The following NEK7 variants were observed in gnomAD, a reference collection of about 807,000 sequenced individuals.
The protein encoded by NEK7 is NIMA related kinase 7, also known as serine/threonine-protein kinase Nek7.
Under a neutral mutation model 44.6 loss-of-function variants are expected in NEK7, and 18 were observed. That is an observed-to-expected ratio of 0.40 (90% CI 0.28 to 0.60). The LOEUF (loss-of-function observed/expected upper bound fraction) is 0.60, where lower values mean the gene tolerates loss of function less well. NEK7 is among the 20% of genes least tolerant of loss of function. The pLI is 0.38. For synonymous variants in NEK7, 130 were observed against 121.1 expected (o/e 1.07, Z -0.48); for missense variants, 256 against 366.5 (o/e 0.70, Z 2.46).
At chr1:198,219,655 G>A (rs1410731521) in intron 1 of NEK7, among the ~76,000 whole-genome samples, 2 of 151,788 alleles carry the variant, frequency 1.3e-5, no homozygotes, top group Admixed American at 6.6e-5. Context: ...CTTCACCACT[G>A]TACACACATT....
intron 1 of NEK7, among the ~76,000 whole-genome samples, chr1:198,161,184 T>C (rs565739402): frequency 3.1e-4 from 47 of 152,224 alleles, no homozygotes; most frequent in Non-Finnish European, 5.6e-4. Context: ...TGTTTTCTGT[T>C]ACATAATGGA....
chr1:198,212,268 C>G (rs753799442), intron 1 of NEK7, among the ~76,000 whole-genome samples: 20 of 152,192 alleles, frequency 1.3e-4, no homozygotes, highest in Non-Finnish European at 2.5e-4. Flanking sequence ...CTGGATGCCC[C>G]TGTGTCACAG....
chr1:198,317,116 ATATAG>A lies in NEK7; in HGVS notation c.799-2293_799-2289del, dbSNP rs1416603786. 2.0e-5 allele frequency among the ~76,000 whole-genome samples: 3 copies of A among 152,260 alleles called. No individual in the cohort carries two copies. In the East Asian group the frequency reaches 5.8e-4, roughly 29 times the overall value. On this transcript the variant is annotated intron_variant, in intron 9 of 9. Coordinates refer to ENST00000367385, the MANE Select transcript of NEK7 (RefSeq NM_133494.3). ...AAGTTATCAACAGATTGATTCATAA[ATATAG>A]TAAAGTATGCATATTCTGTATTTCA... is the stretch of plus-strand genomic sequence containing the variant.
chr1:198,263,360 G>A (rs1653543154), intron 4 of NEK7, among the ~76,000 whole-genome samples: 1 of 151,906 alleles, frequency 6.6e-6, no homozygotes, highest in African/African-American at 2.4e-5. Flanking sequence ...GGCACATGAA[G>A]TAGCTGGCTT....
chr1:198,191,782 G>A (rs1665079990), intron 1 of NEK7, among the ~76,000 whole-genome samples: 1 of 151,992 alleles, frequency 6.6e-6, no homozygotes, highest in Non-Finnish European at 1.5e-5. Context: ...AATCTGCTCT[G>A]TATAGTACAA....
chr1:198,290,653 A>G lies in NEK7; in HGVS notation c.590-2292A>G, dbSNP rs557302632. Among the ~76,000 whole-genome samples, 5 of 152,302 alleles carry G rather than the reference A, an allele frequency of 3.3e-5. No homozygotes were observed. The South Asian group carries it at 6.2e-4, about 19-fold the overall frequency. The stretch of plus-strand genomic sequence containing the variant: ...TTATGAATTTATCCTATTAATAATT[A>G]TAGTGCAGAATACAAAGTTACTCAT... On this transcript the variant is annotated intron_variant, in intron 7 of 9. Transcript: ENST00000367385.
At chr1:198,230,980 A>G (rs1045440062) in intron 1 of NEK7, among the ~76,000 whole-genome samples, 1 of 151,928 alleles carries the variant, frequency 6.6e-6, no homozygotes, top group Non-Finnish European at 1.5e-5. Flanking sequence ...ATTCTCCCCA[A>G]ATTGATCTTT....
In NEK7 at chr1:198,319,496, A is replaced by T. The variant is rs778626751; in HGVS notation, c.883A>T (p.Met295Leu). The T allele has an allele frequency of 6.2e-7, 1 of 1,611,452 alleles. No homozygotes were observed. Among genetic ancestry groups the T allele is most frequent in the East Asian group, 2.2e-5 (1 of 44,834 alleles). The change falls in exon 10 of 10, where the codon ATG becomes TTG. Residue 295 changes from methionine to leucine, a missense_variant. Met to Leu is a conservative substitution (Grantham distance 15). Transcript: ENST00000367385. ...CTATGTTTATGACGTAGCAAAGAGG[A>T]TGCATGCATGCACTGCAAGCAGCTA... The part of the protein sequence containing the change: ...VTYVYDVAKR[M>L]HACTASS
chr1:198,257,280 T>C (rs1257498982), intron 3 of NEK7, among the ~76,000 whole-genome samples: 1 of 152,236 alleles, frequency 6.6e-6, no homozygotes, highest in African/African-American at 2.4e-5. Flanking sequence ...TTCTTTGATA[T>C]TGAATGCTTA....
intron 9 of NEK7, among the ~76,000 whole-genome samples, chr1:198,309,465 A>G (rs1433100141): frequency 6.6e-6 from 1 of 151,880 alleles, no homozygotes; most frequent in Non-Finnish European, 1.5e-5. Flanking sequence ...TTATTATTAT[A>G]CTTTAAGTTT....
intron 3 of NEK7, among the ~76,000 whole-genome samples, chr1:198,258,443 A>G (rs952018352): frequency 1.3e-5 from 2 of 152,198 alleles, no homozygotes; most frequent in South Asian, 2.1e-4. Context: ...CTCAAAAAAG[A>G]AAAACAACAA....
intron 7 of NEK7, among the ~76,000 whole-genome samples, chr1:198,288,770 C>T (rs1000076519): frequency 1.3e-5 from 2 of 152,124 alleles, no homozygotes; most frequent in African/African-American, 4.8e-5. Context: ...ATTGTGTATG[C>T]CATGCAACAG....
In NEK7 at chr1:198,312,916, T is replaced by G. The variant is rs192471600; in HGVS notation, c.799-6496T>G. ...GGTGCTGAAAAAAATGTATTTTCTG[T>G]TGATTTGGGTTGGAGAGTTCTGTAG... On this transcript the variant is annotated intron_variant, in intron 9 of 9. Coordinates refer to ENST00000367385, the MANE Select transcript of NEK7 (RefSeq NM_133494.3). 1.4e-3 allele frequency among the ~76,000 whole-genome samples: 217 copies of G among 152,338 alleles called. 1 individual carries two copies. Among genetic ancestry groups the G allele is most frequent in the Non-Finnish European group, 2.4e-3 (160 of 68,032 alleles).
chr1:198,316,043 G>T (rs976163892), intron 9 of NEK7, among the ~76,000 whole-genome samples: 1 of 152,170 alleles, frequency 6.6e-6, no homozygotes, highest in Non-Finnish European at 1.5e-5. Flanking sequence ...CCAACATTTG[G>T]TAGATTTTTC....
At chr1:198,174,998 G>GC (rs997401850) in intron 1 of NEK7, among the ~76,000 whole-genome samples, 2 of 152,086 alleles carry the variant, frequency 1.3e-5, no homozygotes, top group Non-Finnish European at 2.9e-5. Context: ...ACTCAAGTGA[G>GC]CCTCCCACCG....
chr1:198,277,596 T>C (rs1241303189), intron 5 of NEK7: 1 of 156,996 alleles, frequency 6.4e-6, no homozygotes, highest in Non-Finnish European at 1.4e-5. Context: ...AATTGTCTTT[T>C]AATGAACATA....
intron 1 of NEK7, among the ~76,000 whole-genome samples, chr1:198,229,515 G>C (rs1666326047): frequency 6.6e-6 from 1 of 152,056 alleles, no homozygotes; most frequent in Non-Finnish European, 1.5e-5. Context: ...TGGTCTTGTG[G>C]GACTGAGCCC....
At chr1:198,207,853 ATAAATGT>A (rs1665645027) in intron 1 of NEK7, among the ~76,000 whole-genome samples, 1 of 152,240 alleles carries the variant, frequency 6.6e-6, no homozygotes, top group African/African-American at 2.4e-5. Flanking sequence ...AGTTCTAAAA[ATAAATGT>A]TAAAAAGGGA....
chr1:198,205,776 A>G (rs535655329), intron 1 of NEK7, among the ~76,000 whole-genome samples: 4 of 152,182 alleles, frequency 2.6e-5, no homozygotes, highest in Non-Finnish European at 5.9e-5. Flanking sequence ...TAGGTTCACA[A>G]AACTACAGAG....
Sources: gnomAD v4.1 joint callset for allele counts (sites outside exome capture counted in the v4.1 genomes callset) on GRCh38, gnomAD v4.1.1 for gene constraint, MANE v1.5 for transcripts, NCBI Gene and HGNC (gene_info 2026-07-23, HGNC 2026-07-21) for gene names.